SNX30: variants seen among roughly 807,000 people sequenced by gnomAD.
The protein encoded by SNX30 is sorting nexin-30.
SNX30 carries 24 observed loss-of-function variants against 46.4 expected under a neutral mutation model. That is an observed-to-expected ratio of 0.52 (90% confidence interval 0.37 to 0.73). The LOEUF is 0.73. Among genes scored for constraint, SNX30 ranks in the 30% least tolerant of loss-of-function variants. The pLI is 0.00. For missense variants in SNX30, 533 were observed against 555.7 expected, an observed-to-expected ratio of 0.96 and a Z score of 0.41; for synonymous variants, 189 against 211.5, an observed-to-expected ratio of 0.89 and a Z score of 0.92.
intron 3 of SNX30, among the ~76,000 whole-genome samples, chr9:112,829,188 C>A (rs1398106502): frequency 6.6e-6 from 1 of 152,176 alleles, no homozygotes; most frequent in Non-Finnish European, 1.5e-5. Flanking sequence ...GCCTTTTGGT[C>A]ATTGTAAACA....
chr9:112,819,264 TTC>T (rs1211953249), intron 3 of SNX30, among the ~76,000 whole-genome samples: 10 of 77,344 alleles, frequency 1.3e-4, no homozygotes, highest in South Asian at 5.8e-4. Flanking sequence ...TTTTCTTTCT[TTC>T]TTTTTTTTTT....
rs562179963 is a variant in SNX30 at position 112,839,565 on chromosome 9, TC to T, written c.1014+872del. Among the ~76,000 whole-genome samples the T allele has an allele frequency of 7.0e-4, 106 of 152,200 alleles. 1 individual carries two copies. The highest frequency in any genetic ancestry group is 2.5e-3 in the African/African-American group (104 of 41,514). ...TGCGCCAGTGCCCACACTGGAAACT[TC>T]CCCGGCCTGCACATAGACTGGTTGG... On this transcript the variant is annotated intron_variant, in intron 6 of 8. Coordinates refer to ENST00000374232, the MANE Select transcript of SNX30 (RefSeq NM_001012994.2).
chr9:112,846,378 A>G (rs1445025902), intron 6 of SNX30, among the ~76,000 whole-genome samples: 1 of 152,240 alleles, frequency 6.6e-6, no homozygotes, highest in Non-Finnish European at 1.5e-5. Context: ...GTGTGGTTTC[A>G]GTGTTACCAA....
downstream of SNX30, among the ~76,000 whole-genome samples, chr9:112,883,245 G>A (rs762373664): frequency 6.6e-6 from 1 of 152,054 alleles, no homozygotes; most frequent in African/African-American, 2.4e-5. Context: ...AAGGAGAGAC[G>A]GAGGAAGAGC....
chr9:112,811,175 G>A (rs1588124114), intron 2 of SNX30, among the ~76,000 whole-genome samples: 1 of 152,210 alleles, frequency 6.6e-6, no homozygotes, highest in Non-Finnish European at 1.5e-5. Context: ...AGGATGAAAG[G>A]CTGGAAGCCT....
At chr9:112,808,083 C>T (rs2131407352) in intron 2 of SNX30, among the ~76,000 whole-genome samples, 1 of 152,242 alleles carries the variant, frequency 6.6e-6, no homozygotes, top group African/African-American at 2.4e-5. Context: ...GTGGTGCATT[C>T]AGAGGCTTCT....
At chr9:112,847,693 A>G (rs1840960571) in intron 6 of SNX30, among the ~76,000 whole-genome samples, 1 of 152,232 alleles carries the variant, frequency 6.6e-6, no homozygotes, top group East Asian at 1.9e-4. Context: ...GAGAGATAGT[A>G]AAGTTCCAGG....
chr9:112,791,974 T>A (rs1840033022), intron 1 of SNX30, among the ~76,000 whole-genome samples: 1 of 152,238 alleles, frequency 6.6e-6, no homozygotes. Flanking sequence ...CCAAAAATTC[T>A]TTTAGTGTAC....
intron 1 of SNX30, among the ~76,000 whole-genome samples, chr9:112,787,897 A>G (rs1839958027): frequency 6.6e-6 from 1 of 151,868 alleles, no homozygotes; most frequent in African/African-American, 2.4e-5. Flanking sequence ...CCCGGGTTCA[A>G]GCAGTTCTTC....
chr9:112,823,258 C>T (rs1840533629), intron 3 of SNX30, among the ~76,000 whole-genome samples: 1 of 152,182 alleles, frequency 6.6e-6, no homozygotes, highest in African/African-American at 2.4e-5. Flanking sequence ...TGCTGGGGGT[C>T]TTGGAATGTA....
chr9:112,829,260 T>A (rs1840625566), intron 3 of SNX30, among the ~76,000 whole-genome samples: 1 of 152,168 alleles, frequency 6.6e-6, no homozygotes, highest in Non-Finnish European at 1.5e-5. Context: ...ATTTTTTTTT[T>A]AAAGTTTTAA....
intron 3 of SNX30, among the ~76,000 whole-genome samples, chr9:112,823,182 T>C (rs117519250): frequency 1.3e-3 from 204 of 152,300 alleles, no homozygotes; most frequent in Non-Finnish European, 2.4e-3. Context: ...AATTTTATTA[T>C]AGGTGTGTAT....
chr9:112,859,221 C>G (rs1235267800), intron 7 of SNX30, among the ~76,000 whole-genome samples: 2 of 152,042 alleles, frequency 1.3e-5, no homozygotes, highest in African/African-American at 4.8e-5. Flanking sequence ...AGTGTAATGT[C>G]CTTGGTTTAT....
rs895295065 is a variant in SNX30 at position 112,870,567 on chromosome 9, C to T, written c.*1724C>T. ...AACCCTATTTGTGCCATTCTCAAGT[C>T]CTTTGATGTGAATTTTCAGTTTGGT... On this transcript the variant is annotated 3_prime_UTR_variant, in exon 9 of 9. Transcript: ENST00000374232. 1 of 152,192 alleles carries T rather than the reference C, an allele frequency of 6.6e-6. No individual in the cohort carries two copies. Among genetic ancestry groups the T allele is most frequent in the Non-Finnish European group, 1.5e-5 (1 of 68,046 alleles). 9.4% of individuals were successfully genotyped at this position (152,192 alleles called of 1,614,324 possible). A position where few individuals can be genotyped will look rare whatever the true frequency, so the allele number is the denominator to read the frequency against.
At chr9:112,861,039 G>C (rs777820894) in intron 7 of SNX30, among the ~76,000 whole-genome samples, 7 of 152,212 alleles carry the variant, frequency 4.6e-5, no homozygotes, top group Non-Finnish European at 7.3e-5. Flanking sequence ...TACATTGCAA[G>C]AGTGCAACAG....
chr9:112,865,761 A>G (rs528818143), intron 8 of SNX30, among the ~76,000 whole-genome samples: 186 of 138,028 alleles, frequency 1.3e-3, no homozygotes, highest in African/African-American at 3.0e-3. Context: ...GTGTGTGTGT[A>G]TGTATGTATG....
Position 112,874,422 on chromosome 9 carries a change from G to T in SNX30, c.*5579G>T, listed in dbSNP as rs1330752853. 6.6e-6 allele frequency: 1 copy of T among 152,160 alleles called. No homozygotes were observed. The highest frequency in any genetic ancestry group is 1.5e-5 in the Non-Finnish European group (1 of 68,034). 9.4% of individuals were successfully genotyped at this position (152,160 alleles called of 1,614,324 possible). On this transcript the variant is annotated 3_prime_UTR_variant, in exon 9 of 9. Transcript: ENST00000374232. ...AAACTGCCAGCAAACTTTCTAACTTGTATTTTAACTGTTAAAGAAGAGATT... is the reference window on the plus strand; with the variant it reads ...AAACTGCCAGCAAACTTTCTAACTTTTATTTTAACTGTTAAAGAAGAGATT...
intron 2 of SNX30, among the ~76,000 whole-genome samples, chr9:112,809,228 A>G (rs1390329260): frequency 6.6e-6 from 1 of 152,060 alleles, no homozygotes; most frequent in Non-Finnish European, 1.5e-5. Flanking sequence ...CTGGGATTAC[A>G]GCACTGTGCC....
In SNX30 at chr9:112,865,173, A is replaced by C. The variant is rs369195915; in HGVS notation, c.1254+774A>C. Among the ~76,000 whole-genome samples, 712 of 108,938 alleles carry C rather than the reference A, an allele frequency of 6.5e-3. 6 individuals carry two copies. The highest frequency in any genetic ancestry group is 0.019 in the African/African-American group (518 of 27,810). The allele number at this position is 108,938 out of a possible 152,430, so 71.5% of individuals were successfully genotyped here. A position where few individuals can be genotyped will look rare whatever the true frequency, so the allele number is the denominator to read the frequency against. On this transcript the variant is annotated intron_variant, in intron 8 of 8. Coordinates refer to ENST00000374232, the MANE Select transcript of SNX30 (RefSeq NM_001012994.2). Reference sequence around the variant, plus strand: ...TACACACCCCACACACAACCCCCCCACACACGACACCCACACACCACACCC... The same window carrying C: ...TACACACCCCACACACAACCCCCCCCCACACGACACCCACACACCACACCC...
Sources: allele counts gnomAD v4.1 joint callset (sites outside exome capture counted in the v4.1 genomes callset), GRCh38; gene constraint gnomAD v4.1.1; transcripts MANE v1.5; gene names NCBI Gene and HGNC (gene_info 2026-07-23, HGNC 2026-07-21).